Variants in DENND1B observed in about 807,000 individuals in gnomAD.
DENND1B encodes DENN domain containing 1B.
Under a neutral mutation model 90.1 loss-of-function variants are expected in DENND1B, and 59 were observed. The observed-to-expected ratio is 0.65, with a 90% confidence interval of 0.53 to 0.81. The LOEUF (loss-of-function observed/expected upper bound fraction) is 0.81, where lower values mean the gene tolerates loss of function less well. DENND1B is among the 40% of genes least tolerant of loss of function. The pLI, the probability that DENND1B is intolerant of heterozygous loss-of-function variation, is 0.00. For synonymous variants in DENND1B, 337 were observed against 324.6 expected (o/e 1.04, Z -0.41); for missense variants, 862 against 912.6 (o/e 0.94, Z 0.71).
chr1:197,514,181 T>C (rs1668238917), intron 20 of DENND1B, among the ~76,000 whole-genome samples: 1 of 151,696 alleles, frequency 6.6e-6, no homozygotes. Context: ...TATGCTTTTC[T>C]AGAGCATTCC....
chr1:197,767,954 C>G (rs1330611852), intron 2 of DENND1B, among the ~76,000 whole-genome samples: 1 of 152,176 alleles, frequency 6.6e-6, no homozygotes, highest in Non-Finnish European at 1.5e-5. Flanking sequence ...AGACTCTGGA[C>G]AGACTACCCT....
intron 10 of DENND1B, among the ~76,000 whole-genome samples, chr1:197,626,563 A>G (rs1372080098): frequency 6.6e-6 from 1 of 152,220 alleles, no homozygotes; most frequent in African/African-American, 2.4e-5. Context: ...AAATGCCCTC[A>G]AGAGAAAGCA....
intron 3 of DENND1B, among the ~76,000 whole-genome samples, chr1:197,685,066 C>T (rs1222516132): frequency 1.3e-5 from 2 of 151,950 alleles, no homozygotes; most frequent in Admixed American, 6.6e-5. Context: ...TGCAGTGAGC[C>T]GAGATCGCAC....
chr1:197,534,592 A>C (rs1324223743), intron 20 of DENND1B, among the ~76,000 whole-genome samples: 2 of 152,194 alleles, frequency 1.3e-5, no homozygotes, highest in African/African-American at 2.4e-5. Context: ...TTGGCTGTGC[A>C]GGGAATAGGC....
intron 16 of DENND1B, among the ~76,000 whole-genome samples, chr1:197,550,971 C>G (rs1056842606): frequency 2.6e-5 from 4 of 151,738 alleles, no homozygotes; most frequent in Admixed American, 2.6e-4. Context: ...GATCAGTTTA[C>G]TTCTTTGAAG....
chr1:197,550,758 C>T lies in DENND1B; in HGVS notation c.1240+2264G>A, dbSNP rs1671168195. 1.3e-5 allele frequency among the ~76,000 whole-genome samples: 2 copies of T among 150,448 alleles called. 1 individual carries two copies. The highest frequency in any genetic ancestry group is 3.9e-4 in the East Asian group (2 of 5,100). On this transcript the variant is annotated intron_variant, in intron 16 of 22. Transcript: ENST00000620048. ...AGCACACCAACATGGCACATGTATA[C>T]ATATGTAACTAACCTGCATGTTGTG...
At position 197,640,437 on chromosome 1, in the gene DENND1B, C is replaced by T. The variant is rs1572160684; in HGVS notation, c.672+2274G>A. Among the ~76,000 whole-genome samples the T allele has an allele frequency of 2.0e-5, 3 of 149,744 alleles. 1 individual carries two copies. The highest frequency in any genetic ancestry group is 7.4e-5 in the African/African-American group (3 of 40,736). On this transcript the variant is annotated intron_variant, in intron 10 of 22. Coordinates refer to ENST00000620048, the MANE Select transcript of DENND1B (RefSeq NM_001195215.2). Reference sequence around the variant, plus strand: ...AGAGTGAGCCAAGATTGTACCACTGCACTCTAGCCTGGGCAACAAAGTGAG... The same window carrying T: ...AGAGTGAGCCAAGATTGTACCACTGTACTCTAGCCTGGGCAACAAAGTGAG...
intron 11 of DENND1B, among the ~76,000 whole-genome samples, chr1:197,614,671 T>C (rs570073956): frequency 6.6e-6 from 1 of 151,026 alleles, no homozygotes; most frequent in East Asian, 2.0e-4. Context: ...TAGGTTTTCA[T>C]ACAAAGAGAC....
At chr1:197,626,890 C>T (rs1304966638) in intron 10 of DENND1B, among the ~76,000 whole-genome samples, 1 of 152,086 alleles carries the variant, frequency 6.6e-6, no homozygotes, top group African/African-American at 2.4e-5. Context: ...TCAAAGAATA[C>T]TACAAACACC....
At chr1:197,729,110 G>C (rs370400036) in intron 2 of DENND1B, among the ~76,000 whole-genome samples, 4 of 152,002 alleles carry the variant, frequency 2.6e-5, no homozygotes. Flanking sequence ...TCTATGCTAT[G>C]AGACCTTCCC....
chr1:197,510,508 TTGGAAG>T lies in DENND1B; in HGVS notation c.2274_2279del (p.Asp758_Gln760delinsGlu). On this transcript the variant is annotated inframe_deletion, in exon 23 of 23. Transcript: ENST00000620048. Reference sequence around the variant, plus strand: ...TTTTGTCTGAAATGTTCAAGCTTTGTTGGAAGTCAGATGTCATATGACATAATGACA... The same window carrying T: ...TTTTGTCTGAAATGTTCAAGCTTTGTTCAGATGTCATATGACATAATGACA... The T allele has an allele frequency of 6.2e-7, 1 of 1,611,426 alleles. No individual in the cohort carries two copies. Among genetic ancestry groups the T allele is most frequent in the Non-Finnish European group, 8.5e-7 (1 of 1,178,562 alleles).
At chr1:197,563,356 T>C (rs941987048) in intron 15 of DENND1B, among the ~76,000 whole-genome samples, 2 of 152,004 alleles carry the variant, frequency 1.3e-5, no homozygotes, top group Non-Finnish European at 2.9e-5. Flanking sequence ...GTGACTTTAA[T>C]TGAAGCCAAT....
chr1:197,573,530 G>C (rs1487526172), intron 15 of DENND1B, among the ~76,000 whole-genome samples: 2 of 152,142 alleles, frequency 1.3e-5, no homozygotes, highest in Admixed American at 6.5e-5. Flanking sequence ...GGCACAAAGA[G>C]AGCTGGCACC....
chr1:197,580,158 TCTCAG>T (rs1674088707), intron 15 of DENND1B, among the ~76,000 whole-genome samples: 1 of 132,384 alleles, frequency 7.6e-6, no homozygotes, highest in East Asian at 2.6e-4. Context: ...AGTGGTGCAA[TCTCAG>T]TCACTGCAAG....
chr1:197,694,835 G>T (rs1426889554), intron 3 of DENND1B, among the ~76,000 whole-genome samples: 1 of 151,074 alleles, frequency 6.6e-6, no homozygotes. Flanking sequence ...TCACCTCTAA[G>T]AACTCATTAA....
rs573652712 is a variant in DENND1B at position 197,660,760 on chromosome 1, T to C, written c.297-2391A>G. Among the ~76,000 whole-genome samples, 4 of 152,264 alleles carry C rather than the reference T, an allele frequency of 2.6e-5. No individual in the cohort carries two copies. The South Asian group carries it at 8.3e-4, about 32-fold the overall frequency. Reference sequence around the variant, plus strand: ...AAATTCTTTGCACTCAAGACTTCTATGTCCAGACAAACTATCAATAAAGTG... The same window carrying C: ...AAATTCTTTGCACTCAAGACTTCTACGTCCAGACAAACTATCAATAAAGTG... On this transcript the variant is annotated intron_variant, in intron 5 of 22. Transcript: ENST00000620048.
intron 3 of DENND1B, among the ~76,000 whole-genome samples, chr1:197,698,531 A>G (rs1658685004): frequency 6.6e-6 from 1 of 152,086 alleles, no homozygotes; most frequent in East Asian, 1.9e-4. Context: ...AACTAATCCA[A>G]AAGCTAGCAG....
intron 10 of DENND1B, among the ~76,000 whole-genome samples, chr1:197,629,182 T>C (rs1679086061): frequency 6.6e-6 from 1 of 152,078 alleles, no homozygotes; most frequent in Non-Finnish European, 1.5e-5. Context: ...ACTGGGTATA[T>C]ACCCAAAGGA....
At chr1:197,781,571 A>T in the DENND1B span, among the ~76,000 whole-genome samples, 1 of 152,200 alleles carries the variant, frequency 6.6e-6, no homozygotes, top group South Asian at 2.1e-4. Flanking sequence ...ATGAATTTCA[A>T]TCTGAAGGTA....
Sources: allele counts gnomAD v4.1 joint callset (sites outside exome capture counted in the v4.1 genomes callset), GRCh38; gene constraint gnomAD v4.1.1; transcripts MANE v1.5; gene names NCBI Gene and HGNC (gene_info 2026-07-23, HGNC 2026-07-21).